PLXDC2: variants seen among roughly 807,000 people sequenced by gnomAD.
PLXDC2 encodes plexin domain-containing protein 2.
PLXDC2 carries 40 observed loss-of-function variants against 68.9 expected under a neutral mutation model. That is an observed-to-expected ratio of 0.58 (90% CI 0.45 to 0.76). The LOEUF (loss-of-function observed/expected upper bound fraction) is 0.76. PLXDC2 is among the 30% of genes least tolerant of loss of function. The pLI, the probability that PLXDC2 is intolerant of heterozygous loss-of-function variation, is 0.00. For missense variants in PLXDC2, 644 were observed against 661.9 expected (o/e 0.97, Z 0.30); for synonymous variants, 243 against 234.2 (o/e 1.04, Z -0.34).
chr10:20,064,042 T>C (rs1374460116), intron 3 of PLXDC2, among the ~76,000 whole-genome samples: 1 of 152,132 alleles, frequency 6.6e-6, no homozygotes, highest in Admixed American at 6.5e-5. Context: ...ATATTTTACT[T>C]CTGAGCTTTT....
intron 2 of PLXDC2, among the ~76,000 whole-genome samples, chr10:20,005,722 C>T (rs770219351): frequency 3.3e-5 from 5 of 152,264 alleles, no homozygotes; most frequent in South Asian, 2.1e-4. Context: ...CTCTCCTCAA[C>T]GCACTCATCA....
chr10:20,263,824 T>C (rs1178013151), intron 13 of PLXDC2, among the ~76,000 whole-genome samples: 1 of 152,174 alleles, frequency 6.6e-6, no homozygotes, highest in Admixed American at 6.6e-5. Context: ...AAATAACAGA[T>C]GCTGGTGAGC....
At chr10:19,969,716 A>T (rs959486185) in intron 1 of PLXDC2, among the ~76,000 whole-genome samples, 4 of 152,242 alleles carry the variant, frequency 2.6e-5, no homozygotes, top group African/African-American at 9.6e-5. Context: ...GATAATTCTT[A>T]TTCTGACTAT....
chr10:20,169,105 A>G (rs751799644), intron 7 of PLXDC2, among the ~76,000 whole-genome samples: 1 of 152,222 alleles, frequency 6.6e-6, no homozygotes, highest in Admixed American at 6.6e-5. Flanking sequence ...GGTTGGTTAC[A>G]TAGTTTGCAT....
At chr10:20,149,978 C>T (rs1161823593) in intron 6 of PLXDC2, among the ~76,000 whole-genome samples, 7 of 152,090 alleles carry the variant, frequency 4.6e-5, no homozygotes, top group Non-Finnish European at 1.0e-4. Flanking sequence ...GAAAATGATG[C>T]AGAAAATACA....
intron 4 of PLXDC2, among the ~76,000 whole-genome samples, chr10:20,133,179 T>G (rs1226528779): frequency 6.6e-6 from 1 of 152,228 alleles, no homozygotes; most frequent in Non-Finnish European, 1.5e-5. Context: ...TAAATTATTA[T>G]AGCTATATTT....
At chr10:20,164,814 G>T (rs553873153) in intron 7 of PLXDC2, among the ~76,000 whole-genome samples, 1 of 151,932 alleles carries the variant, frequency 6.6e-6, no homozygotes, top group Non-Finnish European at 1.5e-5. Flanking sequence ...TCTTTTTCTT[G>T]GTTCTTTTTT....
chr10:20,166,670 T>TAAA (rs1225861299), intron 7 of PLXDC2, among the ~76,000 whole-genome samples: 1 of 152,194 alleles, frequency 6.6e-6, no homozygotes, highest in African/African-American at 2.4e-5. Flanking sequence ...GCAGGGCTTT[T>TAAA]AGTCCATATT....
At chr10:20,025,864 T>C (rs536903345) in intron 2 of PLXDC2, among the ~76,000 whole-genome samples, 13 of 152,022 alleles carry the variant, frequency 8.6e-5, no homozygotes, top group Admixed American at 5.2e-4. Context: ...TTTTTCACCA[T>C]TGAGTAATAA....
At chr10:20,266,595 G>T (rs528405403) in intron 13 of PLXDC2, among the ~76,000 whole-genome samples, 267 of 152,220 alleles carry the variant, frequency 1.8e-3, no homozygotes, top group African/African-American at 6.1e-3. Flanking sequence ...ACAATTCATG[G>T]TGTTTCAGTG....
intron 2 of PLXDC2, among the ~76,000 whole-genome samples, chr10:20,022,288 A>G (rs1194536071): frequency 6.6e-6 from 1 of 152,202 alleles, no homozygotes; most frequent in Non-Finnish European, 1.5e-5. Context: ...ATACAAATGG[A>G]GTCTTCTTGG....
At chr10:20,081,619 C>CA (rs1040901744) in intron 4 of PLXDC2, among the ~76,000 whole-genome samples, 6 of 152,022 alleles carry the variant, frequency 3.9e-5, no homozygotes, top group Admixed American at 2.0e-4. Flanking sequence ...GGAAAATCAC[C>CA]AAAAAACCAC....
chr10:20,194,884 T>C (rs1834817236), intron 9 of PLXDC2, among the ~76,000 whole-genome samples: 1 of 148,926 alleles, frequency 6.7e-6, no homozygotes, highest in Non-Finnish European at 1.5e-5. Context: ...TCAATTACTA[T>C]TATGTGGCAT....
chr10:19,847,471 G>C (rs183568237), intron 1 of PLXDC2, among the ~76,000 whole-genome samples: 6 of 152,144 alleles, frequency 3.9e-5, no homozygotes, highest in South Asian at 2.1e-4. Context: ...TTAACTCAGC[G>C]GTTGCCCAAG....
chr10:19,844,457 G>A (rs1395962366), intron 1 of PLXDC2, among the ~76,000 whole-genome samples: 2 of 152,092 alleles, frequency 1.3e-5, no homozygotes, highest in African/African-American at 4.8e-5. Context: ...CAAACCACCG[G>A]ACACTCACAA....
chr10:19,825,553 T>TA (rs1305305641), intron 1 of PLXDC2, among the ~76,000 whole-genome samples: 4 of 152,222 alleles, frequency 2.6e-5, no homozygotes, highest in Admixed American at 6.5e-5. Context: ...TAGTTACAGA[T>TA]ATCTGCTTAC....
At chr10:20,088,049 A>G (rs957591885) in intron 4 of PLXDC2, among the ~76,000 whole-genome samples, 1 of 152,166 alleles carries the variant, frequency 6.6e-6, no homozygotes, top group Admixed American at 6.5e-5. Context: ...TATAATCATT[A>G]TTCTTTTTTT....
chr10:20,171,169 C>T (rs1834441433), intron 7 of PLXDC2, among the ~76,000 whole-genome samples: 1 of 151,648 alleles, frequency 6.6e-6, no homozygotes, highest in Non-Finnish European at 1.5e-5. Flanking sequence ...AAAACTTGAA[C>T]TTTTTTTTAT....
At chr10:20,221,930 G>C (rs1438278690) in intron 12 of PLXDC2, among the ~76,000 whole-genome samples, 1 of 152,092 alleles carries the variant, frequency 6.6e-6, no homozygotes, top group East Asian at 1.9e-4. Context: ...TTGGACCGCT[G>C]TTTTTTAAAA....
Sources: gnomAD v4.1 joint callset for allele counts (sites outside exome capture counted in the v4.1 genomes callset) on GRCh38, gnomAD v4.1.1 for gene constraint, MANE v1.5 for transcripts, NCBI Gene and HGNC (gene_info 2026-07-23, HGNC 2026-07-21) for gene names.